HRNR: variants seen among roughly 807,000 people sequenced by gnomAD.
The protein encoded by HRNR is filaggrin family member 3.
A neutral mutation model predicts 4.8 loss-of-function variants in HRNR; 7 were observed. The ratio of observed to expected loss-of-function variants is 1.47; its 90% CI spans 0.83 to 2.75. The LOEUF is 2.75. Ranked by LOEUF, HRNR falls within the 30% of genes most tolerant of loss-of-function variation. The probability of loss-of-function intolerance (pLI) is 0.00; values close to 1 mark genes in which losing one functional copy is unlikely to be tolerated. For missense variants in HRNR, 2,879 were observed against 3,010.4 expected (o/e 0.96, Z 1.02); for synonymous variants, 1,023 against 1,242.7 (o/e 0.82, Z 3.72).
At position 152,220,347 on chromosome 1, in the gene HRNR, G is replaced by T. The variant is rs139351032; in HGVS notation, c.1282C>A (p.Gln428Lys). The T allele has an allele frequency of 2.2e-4, 348 of 1,613,742 alleles. No individual in the cohort carries two copies. Among genetic ancestry groups the T allele is most frequent in the Middle Eastern group, 3.3e-4 (2 of 6,060 alleles). The change falls in exon 3 of 3, where the codon CAG becomes AAG. Residue 428 changes from glutamine (Q) to lysine (K), a missense_variant. Physicochemically the swap from Gln to Lys is moderately conservative, Grantham distance 53. Coordinates refer to ENST00000368801, the MANE Select transcript of HRNR (RefSeq NM_001009931.3). ...GACTGCCCTGACCCAGACCCACGCTGGCCGTGGCCTGGAGACTGGCCAGAT... is the reference window on the plus strand; with the variant it reads ...GACTGCCCTGACCCAGACCCACGCTTGCCGTGGCCTGGAGACTGGCCAGAT... ...SGSGQSPGHG[Q>K]RGSGSGQSPS...
chr1:152,220,250 C>G lies in HRNR; in HGVS notation c.1379G>C (p.Gly460Ala). The change falls in exon 3 of 3, where the codon GGC becomes GCC. Residue 460 changes from glycine (G) to alanine (A), a missense_variant. By Grantham distance (60) the Gly-to-Ala change is moderately conservative (BLOSUM62 0). This residue lies in a region of HRNR where 2,646 missense variants were observed against 1,377.7 expected (regional missense o/e 1.92). Transcript: ENST00000368801. ...SSSGPYVSGSGYSSGFGHHES... is the reference protein window; with the variant it reads ...SSSGPYVSGSAYSSGFGHHES... ...GTGGTGACCAAAGCCAGAAGAGTAG[C>G]CTGAACCAGACACATATGGGCCACT... 1 of 1,613,908 alleles carries G rather than the reference C, an allele frequency of 6.2e-7. No homozygotes were observed. Among genetic ancestry groups the G allele is most frequent in the Non-Finnish European group, 8.5e-7 (1 of 1,179,966 alleles).
chr1:152,220,369 A>C lies in HRNR; in HGVS notation c.1260T>G (p.Ser420=), dbSNP rs768782028. 1 of 1,613,624 alleles carries C rather than the reference A, an allele frequency of 6.2e-7. No homozygotes were observed. Among genetic ancestry groups the C allele is most frequent in the African/African-American group, 1.3e-5 (1 of 74,968 alleles). ...GCTGGCCGTGGCCTGGAGACTGGCC[A>C]GATCCAGAGCTGTGTTGGCCGCGGC... The part of the protein sequence containing the change: ...SSGRGQHSSG[S]GQSPGHGQRG... The change falls in exon 3 of 3, where the codon TCT becomes TCG. Residue 420 remains serine, a synonymous_variant. Transcript: ENST00000368801.
At position 152,218,986 on chromosome 1, in the gene HRNR, G is replaced by C. The variant is rs548858056; in HGVS notation, c.2643C>G (p.Gly881=). Residue 881 remains glycine (G), a synonymous_variant, in exon 3 of 3, where the codon GGC becomes GGG. Coordinates refer to ENST00000368801, the MANE Select transcript of HRNR (RefSeq NM_001009931.3). ...ESASHHASGR[G]RHGSGSGQSP... ...ACTGGCCAGATCCAGAGCCATGTCG[G>C]CCGCGGCCCGAAGCGTGATGGGAGG... is the stretch of plus-strand genomic sequence containing the variant. The C allele has an allele frequency of 6.2e-6, 10 of 1,608,784 alleles. No homozygotes were observed. The East Asian group carries it at 6.7e-5, about 11-fold the overall frequency.
Position 152,223,121 on chromosome 1 carries a change from G to A in HRNR, c.133C>T (p.Leu45=), listed in dbSNP as rs774193851. The change falls in exon 2 of 3, where the codon CTG becomes TTG. Residue 45 remains leucine, a synonymous_variant. Coordinates refer to ENST00000368801, the MANE Select transcript of HRNR (RefSeq NM_001009931.3). The stretch of plus-strand genomic sequence containing the variant: ...TCCTGGCGTGGAGTTCTTACCTTCA[G>A]AATTTGATGAAACTCATTTTCCAGA... ...ELLENEFHQI[L]KNPNDPDTVD... is the part of the protein sequence containing the mutation. 13 of 1,613,528 alleles carry A rather than the reference G, an allele frequency of 8.1e-6. No individual in the cohort carries two copies. The African/African-American group carries it at 1.3e-4, about 17-fold the overall frequency.
In HRNR at chr1:152,218,948, C is replaced by T. The variant is rs200819476; in HGVS notation, c.2681G>A (p.Gly894Asp). The change falls in exon 3 of 3, where the codon GGC (glycine) becomes GAC (aspartate). Residue 894 changes from glycine to aspartate, a missense_variant. This residue lies in a region of HRNR where 2,646 missense variants were observed against 1,377.7 expected (regional missense o/e 1.92). Coordinates refer to ENST00000368801, the MANE Select transcript of HRNR (RefSeq NM_001009931.3). ...GSGSGQSPGHGQRGSGSGQSP... is the reference protein window; with the variant it reads ...GSGSGQSPGHDQRGSGSGQSP... ...CTGCCCTGACCCAGACCCACGCTGG[C>T]CGTGGCCTGGAGACTGGCCAGATCC... 77 of 1,613,764 alleles carry T rather than the reference C, an allele frequency of 4.8e-5. No homozygotes were observed. The highest frequency in any genetic ancestry group is 1.8e-4 in the East Asian group (8 of 44,884).
At position 152,220,062 on chromosome 1, in the gene HRNR, C is replaced by T. The variant is rs1178537906; in HGVS notation, c.1567G>A (p.Gly523Ser). 1 of 1,613,950 alleles carries T rather than the reference C, an allele frequency of 6.2e-7. No individual in the cohort carries two copies. The highest frequency in any genetic ancestry group is 8.5e-7 in the Non-Finnish European group (1 of 1,179,932). The change falls in exon 3 of 3, where the codon GGC becomes AGC. Residue 523 changes from glycine to serine, a missense_variant. This residue lies in a region of HRNR where 2,646 missense variants were observed against 1,377.7 expected (regional missense o/e 1.92). Coordinates refer to ENST00000368801, the MANE Select transcript of HRNR (RefSeq NM_001009931.3). ...SSSSYGQHGS[G>S]SRQSLGHSRH... Reference sequence around the variant, plus strand: ...CTGTGTCCCAAAGATTGACGGGAGCCAGACCCATGCTGACCATAGCTGGAA... The same window carrying T: ...CTGTGTCCCAAAGATTGACGGGAGCTAGACCCATGCTGACCATAGCTGGAA...
At position 152,219,003 on chromosome 1, in the gene HRNR, G is replaced by T; in HGVS notation, c.2626C>A (p.His876Asn). ...SYGQHESASH[H>N]ASGRGRHGSG... The stretch of plus-strand genomic sequence containing the variant: ...CCATGTCGGCCGCGGCCCGAAGCGT[G>T]ATGGGAGGCAGACTCATGCTGACCA... The change falls in exon 3 of 3, where the codon CAC (histidine) becomes AAC (asparagine). Residue 876 changes from histidine (H) to asparagine (N), a missense_variant. Physicochemically the swap from His to Asn is moderately conservative, Grantham distance 68. Coordinates refer to ENST00000368801, the MANE Select transcript of HRNR (RefSeq NM_001009931.3). The T allele has an allele frequency of 6.2e-7, 1 of 1,614,010 alleles. No individual in the cohort carries two copies. The highest frequency in any genetic ancestry group is 1.7e-5 in the Admixed American group (1 of 60,010).
At position 152,218,401 on chromosome 1, in the gene HRNR, A is replaced by C. The variant is rs199554130; in HGVS notation, c.3228T>G (p.His1076Gln). 6.2e-7 allele frequency: 1 copy of C among 1,612,478 alleles called. No individual in the cohort carries two copies. Residue 1076 changes from histidine (H) to glutamine (Q), a missense_variant, in exon 3 of 3, where the codon CAT (histidine) becomes CAG (glutamine). By Grantham distance (24) the His-to-Gln change is conservative. Coordinates refer to ENST00000368801, the MANE Select transcript of HRNR (RefSeq NM_001009931.3). ...GTCCTGATGTAGAACCGTGTTGCCC[A>C]TGGGTAGAGGAATGACCTGAGCTAG... Reference protein sequence around the residue: ...HGSSSGHSSTHGQHGSTSGQS... With the variant: ...HGSSSGHSSTQGQHGSTSGQS...
In HRNR at chr1:152,219,006, G is replaced by A; in HGVS notation, c.2623C>T (p.His875Tyr). ...TGTCGGCCGCGGCCCGAAGCGTGAT[G>A]GGAGGCAGACTCATGCTGACCATAG... The part of the protein sequence containing the change: ...SSYGQHESAS[H>Y]HASGRGRHGS... The change falls in exon 3 of 3, where the codon CAT becomes TAT. Residue 875 changes from histidine (H) to tyrosine (Y), a missense_variant. Coordinates refer to ENST00000368801, the MANE Select transcript of HRNR (RefSeq NM_001009931.3). The A allele has an allele frequency of 6.2e-7, 1 of 1,613,972 alleles. No homozygotes were observed. The highest frequency in any genetic ancestry group is 1.7e-5 in the Admixed American group (1 of 60,010).
chr1:152,222,832 C>G (rs12405678), intron 2 of HRNR, among the ~76,000 whole-genome samples: 24,033 of 152,142 alleles, frequency 0.16, 3,128 homozygotes, highest in East Asian at 0.57. Flanking sequence ...ATCTACTTCA[C>G]AGTTTTTCTG....
intron 2 of HRNR, 102 bp downstream of exon 2, chr1:152,223,014 G>A: frequency 8.2e-7 from 1 of 1,225,376 alleles, no homozygotes; most frequent in Non-Finnish European, 1.2e-6. Flanking sequence ...CTCTCACCAA[G>A]TAAGGACAAT....
In HRNR at chr1:152,220,704, G is replaced by T. The variant is rs773195834; in HGVS notation, c.925C>A (p.His309Asn). 1 of 1,613,126 alleles carries T rather than the reference G, an allele frequency of 6.2e-7. No homozygotes were observed. The highest frequency in any genetic ancestry group is 1.3e-5 in the African/African-American group (1 of 74,958). The change falls in exon 3 of 3, where the codon CAC becomes AAC. Residue 309 changes from histidine to asparagine, a missense_variant. Coordinates refer to ENST00000368801, the MANE Select transcript of HRNR (RefSeq NM_001009931.3). ...QGSGSRQSPSHVRHGSGSGHS... is the reference protein window; with the variant it reads ...QGSGSRQSPSNVRHGSGSGHS... ...CCCGAACCGGACCCATGTCGGACGTGGCTAGGAGACTGGCGAGATCCAGAC... is the reference window on the plus strand; with the variant it reads ...CCCGAACCGGACCCATGTCGGACGTTGCTAGGAGACTGGCGAGATCCAGAC...
chr1:152,221,141 C>G lies in HRNR; in HGVS notation c.488G>C (p.Arg163Thr). ...GGAGTTATGTTGGCCAGAAAAGTCT[C>G]TTTGAAAACTCAGTCTTCTGGATAT... ...ESISRRLSFQ[R>T]DFSGQHNSYS... Residue 163 changes from arginine (R) to threonine (T), a missense_variant, in exon 3 of 3, where the codon AGA becomes ACA. By Grantham distance (71) the Arg-to-Thr change is moderately conservative. This residue lies in a region of HRNR where 2,646 missense variants were observed against 1,377.7 expected (regional missense o/e 1.92). Transcript: ENST00000368801. The G allele has an allele frequency of 6.2e-7, 1 of 1,614,194 alleles. No homozygotes were observed. Among genetic ancestry groups the G allele is most frequent in the South Asian group, 1.1e-5 (1 of 91,084 alleles).
Position 152,218,751 on chromosome 1 carries a change from G to A in HRNR, c.2878C>T (p.His960Tyr). 1.2e-6 allele frequency: 2 copies of A among 1,613,908 alleles called. No individual in the cohort carries two copies. Among genetic ancestry groups the A allele is most frequent in the East Asian group, 4.5e-5 (2 of 44,836 alleles). ...GSGHSSSYEQ[H>Y]GSRSGQSSRS... ...GATGACTGTCCTGACCTAGAGCCGTGTTGTTCGTAGCTGGAGGAGTGACCT... is the reference window on the plus strand; with the variant it reads ...GATGACTGTCCTGACCTAGAGCCGTATTGTTCGTAGCTGGAGGAGTGACCT... Residue 960 changes from histidine (H) to tyrosine (Y), a missense_variant, in exon 3 of 3, where the codon CAC becomes TAC. Around this residue, in one of 8 missense-constraint regions of HRNR, gnomAD observed 2,646 missense variants for 1,377.7 expected, o/e 1.92. Transcript: ENST00000368801.
Position 152,221,103 on chromosome 1 carries a change from A to T in HRNR, c.526T>A (p.Ser176Thr). 6.2e-7 allele frequency: 1 copy of T among 1,614,192 alleles called. No homozygotes were observed. Among genetic ancestry groups the T allele is most frequent in the Non-Finnish European group, 8.5e-7 (1 of 1,180,014 alleles). ...GAGTTTTGCTCACCATAGCTGGAAG[A>T]CTGACCTGAGTAGGAGTTATGTTGG... ...SGQHNSYSGQ[S>T]SSYGEQNSDS... The change falls in exon 3 of 3, where the codon TCT becomes ACT. Residue 176 changes from serine to threonine, a missense_variant. Ser to Thr is a moderately conservative substitution (Grantham distance 58). Around this residue, in one of 8 missense-constraint regions of HRNR, gnomAD observed 2,646 missense variants for 1,377.7 expected, o/e 1.92. Coordinates refer to ENST00000368801, the MANE Select transcript of HRNR (RefSeq NM_001009931.3).
At position 152,213,551 on chromosome 1, in the gene HRNR, A is replaced by G. The variant is rs201503718; in HGVS notation, c.8078T>C (p.Val2693Ala). ...PYESRLGHSSVFGQHESGSGH... is the reference protein window; with the variant it reads ...PYESRLGHSSAFGQHESGSGH... ...TGAGCCAGACTCATGTTGACCAAAG[A>G]CAGAAGAGTGACCCAAGCGAGACTC... is the stretch of plus-strand genomic sequence containing the variant. Residue 2693 changes from valine to alanine, a missense_variant, in exon 3 of 3, where the codon GTC (valine) becomes GCC (alanine). Val to Ala is a moderately conservative substitution (Grantham distance 64). This residue lies in a region of HRNR where 20 missense variants were observed against 61.1 expected (regional missense o/e 0.33). Transcript: ENST00000368801. 235 of 1,294,602 alleles carry G rather than the reference A, an allele frequency of 1.8e-4. 31 individuals are homozygous for G. The highest frequency in any genetic ancestry group is 2.2e-4 in the Middle Eastern group (1 of 4,446). 80.2% of individuals were successfully genotyped at this position (1,294,602 alleles called of 1,614,324 possible).
In HRNR at chr1:152,219,697, A is replaced by C. The variant is rs1278685222; in HGVS notation, c.1932T>G (p.Ser644Arg). Reference protein sequence around the residue: ...SSHGQHGSGSSQSSRYGQQGS... With the variant: ...SSHGQHGSGSRQSSRYGQQGS... ...CCTGTTGGCCATAGCGAGAAGACTGACTTGAGCCAGAGCCATGCTGACCGT... is the reference window on the plus strand; with the variant it reads ...CCTGTTGGCCATAGCGAGAAGACTGCCTTGAGCCAGAGCCATGCTGACCGT... Residue 644 changes from serine (S) to arginine (R), a missense_variant, in exon 3 of 3, where the codon AGT becomes AGG. Ser to Arg is a moderately radical substitution (Grantham distance 110). Transcript: ENST00000368801. The C allele has an allele frequency of 1.2e-6, 2 of 1,613,296 alleles. No homozygotes were observed. Among genetic ancestry groups the C allele is most frequent in the African/African-American group, 1.3e-5 (1 of 74,832 alleles).
chr1:152,221,359 G>T lies in HRNR; in HGVS notation c.270C>A (p.Gly90=). Residue 90 remains glycine, a synonymous_variant, in exon 3 of 3, where the codon GGC becomes GGA. Transcript: ENST00000368801. ...KLVQARNKII[G]KDYCQVSGSK... ...ACCCTGAAACTTGGCAGTAATCTTT[G>T]CCAATGATTTTATTACGAGCCTGAA... 1 of 1,613,914 alleles carries T rather than the reference G, an allele frequency of 6.2e-7. No homozygotes were observed. The highest frequency in any genetic ancestry group is 8.5e-7 in the Non-Finnish European group (1 of 1,180,020).
At position 152,218,219 on chromosome 1, in the gene HRNR, T is replaced by G; in HGVS notation, c.3410A>C (p.Gln1137Pro). 6.6e-7 allele frequency: 1 copy of G among 1,506,120 alleles called. No homozygotes were observed. The highest frequency in any genetic ancestry group is 1.1e-5 in the South Asian group (1 of 87,574). 93.3% of individuals were successfully genotyped at this position (1,506,120 alleles called of 1,614,324 possible). ...CCCATGTCGGCCGTAGCTGGGAGACTGCCTTGACCCAGACCCACGCTGGCC... is the reference window on the plus strand; with the variant it reads ...CCCATGTCGGCCGTAGCTGGGAGACGGCCTTGACCCAGACCCACGCTGGCC... ...GHGQRGSGSR[Q>P]SPSYGRHGSG... Residue 1137 changes from glutamine to proline, a missense_variant, in exon 3 of 3, where the codon CAG (glutamine) becomes CCG (proline). By Grantham distance (76) the Gln-to-Pro change is moderately conservative. Around this residue, in one of 8 missense-constraint regions of HRNR, gnomAD observed 26 missense variants for 79.4 expected, o/e 0.33. Transcript: ENST00000368801.
Sources: allele counts gnomAD v4.1 joint callset (sites outside exome capture counted in the v4.1 genomes callset), GRCh38; gene constraint gnomAD v4.1.1; regional missense constraint gnomAD v4.1.1; transcripts MANE v1.5; gene names NCBI Gene and HGNC (gene_info 2026-07-23, HGNC 2026-07-21).